The following DNMBP variants were observed in gnomAD, a reference collection of about 807,000 sequenced individuals.
The protein encoded by DNMBP is dynamin binding protein, also known as dynamin-binding protein.
In DNMBP, 87 loss-of-function variants were observed where a neutral mutation model predicts 150.0. The observed-to-expected ratio is 0.58, with a 90% CI of 0.49 to 0.69. The LOEUF (loss-of-function observed/expected upper bound fraction) is 0.69, where lower values mean the gene tolerates loss of function less well. DNMBP is among the 30% of genes least tolerant of loss of function. The pLI is 0.00. For synonymous variants in DNMBP, 711 were observed against 750.4 expected, an observed-to-expected ratio of 0.95 and a Z score of 0.86; for missense variants, 1,774 against 1,949.0, an observed-to-expected ratio of 0.91 and a Z score of 1.69.
chr10:99,895,188 A>G (rs984102255), intron 10 of DNMBP, 138 bp from the exon 11 acceptor site: 5 of 585,456 alleles, frequency 8.5e-6, no homozygotes, highest in Admixed American at 3.1e-5. Context: ...GTGCAATGGC[A>G]TGATCTTGGC....
chr10:99,879,839 G>C lies in DNMBP; in HGVS notation c.4520C>G (p.Pro1507Arg), dbSNP rs2039335247. The part of the protein sequence containing the change: ...AQAPEDRSTE[P>R]DGSEAEGNQV... ...GTTGCCTTCTGCCTCACTGCCATCT[G>C]GCTCTGTACTTCTGTCTTCCGGAGC... The change falls in exon 16 of 17, where the codon CCA (proline) becomes CGA (arginine). Residue 1507 changes from proline (P) to arginine (R), a missense_variant. Coordinates refer to ENST00000324109, the MANE Select transcript of DNMBP (RefSeq NM_015221.4). 1.2e-6 allele frequency: 2 copies of C among 1,614,106 alleles called. No homozygotes were observed. Among genetic ancestry groups the C allele is most frequent in the Non-Finnish European group, 1.7e-6 (2 of 1,180,048 alleles).
intron 4 of DNMBP, among the ~76,000 whole-genome samples, chr10:99,933,797 C>T (rs2040189425): frequency 1.3e-5 from 2 of 152,138 alleles, no homozygotes; most frequent in South Asian, 2.1e-4. Context: ...AGTGCAGTGG[C>T]GCGATCTTGG....
chr10:99,950,610 G>T (rs2040409941), intron 4 of DNMBP, among the ~76,000 whole-genome samples: 1 of 152,184 alleles, frequency 6.6e-6, no homozygotes, highest in Non-Finnish European at 1.5e-5. Flanking sequence ...TTGGGAACTG[G>T]ACCAAAAGTG....
chr10:99,883,624 G>T (rs1368582159), intron 15 of DNMBP, among the ~76,000 whole-genome samples: 1 of 93,074 alleles, frequency 1.1e-5, no homozygotes, highest in African/African-American at 4.1e-5. Context: ...CTGGATAACA[G>T]AGCAAGACTG....
Position 99,884,192 on chromosome 10 carries a change from C to T in DNMBP, c.3816G>A (p.Gln1272=), listed in dbSNP as rs952683143. ...GGAGGGAGGCCCGGAGTTCTTCTGA[C>T]TGTAGCATGTAACTTGGCTGAAAGG... ...PLLGLPSYML[Q]SEELRASLLA... The change falls in exon 15 of 17, where the codon CAG becomes CAA. Residue 1272 remains glutamine, a synonymous_variant. Transcript: ENST00000324109. 1 of 1,613,190 alleles carries T rather than the reference C, an allele frequency of 6.2e-7. No homozygotes were observed. The highest frequency in any genetic ancestry group is 8.5e-7 in the Non-Finnish European group (1 of 1,179,872).
intron 4 of DNMBP, among the ~76,000 whole-genome samples, chr10:99,953,819 A>AAAAAAAAAAAAG (rs1229016312): frequency 5.2e-5 from 7 of 133,544 alleles, no homozygotes; most frequent in Non-Finnish European, 4.8e-5. Context: ...GTCTCAAAAA[A>AAAAAAAAAAAAG]AAAAAGAAAA....
At chr10:99,893,651 C>G (rs2039609465) in intron 11 of DNMBP, among the ~76,000 whole-genome samples, 1 of 152,170 alleles carries the variant, frequency 6.6e-6, no homozygotes, top group Non-Finnish European at 1.5e-5. Context: ...CACTTGAACC[C>G]AGGAGGCGGA....
chr10:99,896,231 A>G, intron 10 of DNMBP, 36 bp downstream of exon 10: 1 of 1,608,562 alleles, frequency 6.2e-7, no homozygotes, highest in Non-Finnish European at 8.5e-7. Flanking sequence ...AAAAGCTGTC[A>G]AAGATGCGCT....
chr10:99,969,351 C>A, intron 2 of DNMBP, 114 bp from the exon 3 acceptor site: 1 of 1,024,368 alleles, frequency 9.8e-7, no homozygotes, highest in South Asian at 1.6e-5. Context: ...CTTGAAAACT[C>A]AGGGAATACT....
At chr10:99,896,438 A>G in intron 9 of DNMBP, 41 bp from the exon 10 acceptor site, 4 of 1,608,596 alleles carry the variant, frequency 2.5e-6, no homozygotes, top group South Asian at 1.1e-5. Context: ...CAGCATGGGC[A>G]TACTACAAAA....
chr10:99,896,806 G>A (rs779992465), intron 9 of DNMBP, among the ~76,000 whole-genome samples: 1 of 152,152 alleles, frequency 6.6e-6, no homozygotes, highest in Non-Finnish European at 1.5e-5. Context: ...ATATCCAATC[G>A]TCTCCCATAG....
intron 1 of DNMBP, among the ~76,000 whole-genome samples, chr10:99,996,516 A>C (rs1005397832): frequency 6.6e-6 from 1 of 152,186 alleles, no homozygotes; most frequent in Non-Finnish European, 1.5e-5. Context: ...CGAGACTCCA[A>C]CTAAATTAAA....
At chr10:99,990,656 TATATATACACACATATAC>T (rs1273577386) in intron 1 of DNMBP, among the ~76,000 whole-genome samples, 1 of 149,376 alleles carries the variant, frequency 6.7e-6, no homozygotes, top group African/African-American at 2.5e-5. Context: ...TATAAGTGTA[TATATATACACACATATAC>T]ATATATACAC....
chr10:99,877,783 CA>C (rs1396647861), intron 16 of DNMBP, among the ~76,000 whole-genome samples: 1 of 152,148 alleles, frequency 6.6e-6, no homozygotes, highest in Non-Finnish European at 1.5e-5. Context: ...AGAATTGCTC[CA>C]ACCCAGGATG....
At chr10:99,989,781 A>G (rs1466496504) in intron 1 of DNMBP, among the ~76,000 whole-genome samples, 1 of 152,106 alleles carries the variant, frequency 6.6e-6, no homozygotes, top group African/African-American at 2.4e-5. Flanking sequence ...AGCTCAGATC[A>G]GCTAAACTGC....
intron 2 of DNMBP, among the ~76,000 whole-genome samples, chr10:99,971,335 C>T (rs1000788934): frequency 6.7e-6 from 1 of 149,818 alleles, no homozygotes; most frequent in Non-Finnish European, 1.5e-5. Context: ...TCCTTTCTTT[C>T]TTTTCTTTCT....
chr10:99,951,019 C>T (rs1484519009), intron 4 of DNMBP, among the ~76,000 whole-genome samples: 1 of 152,338 alleles, frequency 6.6e-6, no homozygotes, highest in East Asian at 1.9e-4. Flanking sequence ...GAGTGATTTC[C>T]TGGGCTGTGC....
rs1392478255 is a variant in DNMBP at position 99,880,265 on chromosome 10, G to A, written c.4094C>T (p.Ser1365Phe). The A allele has an allele frequency of 1.2e-6, 2 of 1,613,996 alleles. No homozygotes were observed. Among genetic ancestry groups the A allele is most frequent in the Non-Finnish European group, 1.7e-6 (2 of 1,180,040 alleles). The change falls in exon 16 of 17, where the codon TCT becomes TTT. Residue 1365 changes from serine to phenylalanine, a missense_variant. Coordinates refer to ENST00000324109, the MANE Select transcript of DNMBP (RefSeq NM_015221.4). ...CCTGGGGGAGGAGCTGCCGTGCTCA[G>A]ACTCTGTGGAGGAGTGGCTACCCAC... is the stretch of plus-strand genomic sequence containing the variant. ...ASVGSHSSTESEHGSSSPRFP... is the reference protein window; with the variant it reads ...ASVGSHSSTEFEHGSSSPRFP...
intron 15 of DNMBP, among the ~76,000 whole-genome samples, chr10:99,881,757 T>C (rs536526068): frequency 3.0e-3 from 450 of 152,268 alleles, no homozygotes; most frequent in Non-Finnish European, 5.2e-3. Flanking sequence ...GTCCTTCGTG[T>C]CCCACTTTTA....
Sources: gnomAD v4.1 joint callset for allele counts (sites outside exome capture counted in the v4.1 genomes callset) on GRCh38, gnomAD v4.1.1 for gene constraint, MANE v1.5 for transcripts, NCBI Gene and HGNC (gene_info 2026-07-23, HGNC 2026-07-21) for gene names.